Variants in ZBTB16 observed in about 807,000 individuals in gnomAD.
ZBTB16 encodes the protein zinc finger and BTB domain-containing protein 16.
In ZBTB16, 8 loss-of-function variants were observed where a neutral mutation model predicts 56.8. The observed-to-expected ratio is 0.14, with a 90% confidence interval of 0.08 to 0.25. The LOEUF is 0.25. Ranked by LOEUF, ZBTB16 falls within the 10% of genes least tolerant of loss-of-function variation. The pLI, the probability that ZBTB16 is intolerant of heterozygous loss-of-function variation, is 1.00. For synonymous variants in ZBTB16, 363 were observed against 368.5 expected (o/e 0.98, Z 0.17); for missense variants, 625 against 903.0 (o/e 0.69, Z 3.95).
chr11:114,072,088 A>G (rs1341257344), intron 2 of ZBTB16, among the ~76,000 whole-genome samples: 1 of 152,228 alleles, frequency 6.6e-6, no homozygotes, highest in African/African-American at 2.4e-5. Context: ...TTTTCTTGTC[A>G]TTGTGTGAAG....
At chr11:114,201,362 C>T (rs1235540666) in intron 4 of ZBTB16, among the ~76,000 whole-genome samples, 4 of 152,216 alleles carry the variant, frequency 2.6e-5, no homozygotes, top group Admixed American at 6.5e-5. Context: ...TAAGGAGGTA[C>T]GTGCCACCAA....
intron 2 of ZBTB16, among the ~76,000 whole-genome samples, chr11:114,093,943 G>A (rs1940286388): frequency 6.6e-6 from 1 of 152,218 alleles, no homozygotes; most frequent in Non-Finnish European, 1.5e-5. Flanking sequence ...CATGTGTTTG[G>A]AATAGTGACA....
intron 2 of ZBTB16, among the ~76,000 whole-genome samples, chr11:114,066,822 G>A (rs573321391): frequency 6.8e-6 from 1 of 147,092 alleles, no homozygotes; most frequent in East Asian, 2.0e-4. Flanking sequence ...CCGGGCTGGA[G>A]TGCAATGGCG....
Position 114,192,726 on chromosome 11 carries a change from T to C in ZBTB16, c.1453+5688T>C, listed in dbSNP as rs74325903. Among the ~76,000 whole-genome samples, 174 of 152,204 alleles carry C rather than the reference T, an allele frequency of 1.1e-3. 4 individuals are homozygous for C. In the East Asian group the frequency reaches 0.018, roughly 16 times the overall value. Reference sequence around the variant, plus strand: ...TTTTGCCCAGGGTTCCAGAGGTGGTTGTCATGAAAGCAAGGGGAGAACCGG... The same window carrying C: ...TTTTGCCCAGGGTTCCAGAGGTGGTCGTCATGAAAGCAAGGGGAGAACCGG... On this transcript the variant is annotated intron_variant, in intron 4 of 6. Coordinates refer to ENST00000335953, the MANE Select transcript of ZBTB16 (RefSeq NM_006006.6).
chr11:114,152,798 A>C (rs1029280993), intron 2 of ZBTB16, among the ~76,000 whole-genome samples: 2 of 152,224 alleles, frequency 1.3e-5, no homozygotes, highest in African/African-American at 4.8e-5. Context: ...ATGTCCCCAG[A>C]TGTCTTCCTT....
intron 4 of ZBTB16, among the ~76,000 whole-genome samples, chr11:114,205,492 T>C (rs766204682): frequency 6.6e-6 from 1 of 152,060 alleles, no homozygotes. Context: ...TCAGACGCAA[T>C]GTTCCCTGCC....
At chr11:114,240,902 G>A (rs865924073) in intron 4 of ZBTB16, among the ~76,000 whole-genome samples, 15 of 152,286 alleles carry the variant, frequency 9.8e-5, no homozygotes, top group South Asian at 6.2e-4. Flanking sequence ...ATCTCTTGAC[G>A]TGGTTTGCAA....
intron 4 of ZBTB16, among the ~76,000 whole-genome samples, chr11:114,218,828 T>C (rs1192423449): frequency 6.6e-6 from 1 of 152,236 alleles, no homozygotes; most frequent in African/African-American, 2.4e-5. Context: ...AGAAAAGCAG[T>C]AAATTCAATG....
chr11:114,152,211 A>T (rs2134942753), intron 2 of ZBTB16, among the ~76,000 whole-genome samples: 1 of 152,326 alleles, frequency 6.6e-6, no homozygotes, highest in East Asian at 1.9e-4. Flanking sequence ...ACGAGGCCTC[A>T]TGAGGAAAGG....
chr11:114,249,549 A>G (rs867093949), intron 6 of ZBTB16, among the ~76,000 whole-genome samples: 39 of 133,608 alleles, frequency 2.9e-4, no homozygotes, highest in African/African-American at 1.0e-3. Context: ...GTGGATCTTG[A>G]GGTCAGGAGA....
intron 2 of ZBTB16, among the ~76,000 whole-genome samples, chr11:114,123,811 T>A (rs1941411931): frequency 6.6e-6 from 1 of 152,026 alleles, no homozygotes; most frequent in African/African-American, 2.4e-5. Flanking sequence ...TTTAATAAAA[T>A]GAAAAGAGGA....
At chr11:114,073,924 G>A (rs531407628) in intron 2 of ZBTB16, among the ~76,000 whole-genome samples, 2 of 152,288 alleles carry the variant, frequency 1.3e-5, no homozygotes, top group Admixed American at 6.5e-5. Context: ...CCAAACCATC[G>A]TCTTAGTGGG....
intron 6 of ZBTB16, among the ~76,000 whole-genome samples, 176 bp downstream of exon 6, chr11:114,247,541 G>A (rs1944839970): frequency 6.6e-6 from 1 of 152,198 alleles, no homozygotes; most frequent in African/African-American, 2.4e-5. Context: ...CAGTCAAGGT[G>A]GCCTGAGGGC....
At chr11:114,084,616 G>A (rs1321423825) in intron 2 of ZBTB16, among the ~76,000 whole-genome samples, 3 of 152,126 alleles carry the variant, frequency 2.0e-5, no homozygotes. Context: ...AGAAGGAGCA[G>A]GTGCCAGGGT....
chr11:114,218,288 C>T (rs1944154649), intron 4 of ZBTB16, among the ~76,000 whole-genome samples: 1 of 152,198 alleles, frequency 6.6e-6, no homozygotes, highest in South Asian at 2.1e-4. Flanking sequence ...TTCTGAGGTT[C>T]ATCATGCTTG....
intron 4 of ZBTB16, chr11:114,188,715 G>A (rs573190356): frequency 6.6e-6 from 1 of 152,312 alleles, no homozygotes; most frequent in East Asian, 1.9e-4. Flanking sequence ...TGAGCTTCTA[G>A]CTGGGAGACA....
At chr11:114,191,654 C>T (rs1447609899) in intron 4 of ZBTB16, among the ~76,000 whole-genome samples, 1 of 152,310 alleles carries the variant, frequency 6.6e-6, no homozygotes, top group East Asian at 1.9e-4. Flanking sequence ...AGCTCACTGC[C>T]TTGTCATGGG....
chr11:114,133,022 A>G (rs1941706365), intron 2 of ZBTB16, among the ~76,000 whole-genome samples: 1 of 152,174 alleles, frequency 6.6e-6, no homozygotes, highest in African/African-American at 2.4e-5. Flanking sequence ...CCATGCGGCA[A>G]TGAATATTTT....
At chr11:114,219,765 C>A (rs776864911) in intron 4 of ZBTB16, among the ~76,000 whole-genome samples, 10 of 152,040 alleles carry the variant, frequency 6.6e-5, no homozygotes, top group Non-Finnish European at 1.5e-4. Context: ...GGGAAGCGTG[C>A]AGAGTGGTGT....
Sources: gnomAD v4.1 joint callset for allele counts (sites outside exome capture counted in the v4.1 genomes callset) on GRCh38, gnomAD v4.1.1 for gene constraint, MANE v1.5 for transcripts, NCBI Gene and HGNC (gene_info 2026-07-23, HGNC 2026-07-21) for gene names.